Variants in NEBL observed in about 807,000 individuals in gnomAD.
NEBL encodes nebulette.
In NEBL, 122 loss-of-function variants were observed where a neutral mutation model predicts 140.2. That is an observed-to-expected ratio of 0.87 (90% CI 0.75 to 1.01). The LOEUF is 1.01. Ranked by LOEUF, NEBL falls within the 50% of genes least tolerant of loss-of-function variation. The pLI is 0.00. For missense variants in NEBL, 1,365 were observed against 1,231.3 expected (o/e 1.11, Z -1.62); for synonymous variants, 436 against 398.9 (o/e 1.09, Z -1.11).
At chr10:21,078,759 T>C (rs1340662787) in intron 2 of NEBL, among the ~76,000 whole-genome samples, 1 of 152,238 alleles carries the variant, frequency 6.6e-6, no homozygotes, top group Non-Finnish European at 1.5e-5. Context: ...AAAATATACT[T>C]GATCTTATTT....
intron 3 of NEBL, among the ~76,000 whole-genome samples, chr10:20,966,591 A>G (rs531129803): frequency 1.3e-5 from 2 of 152,334 alleles, no homozygotes; most frequent in South Asian, 4.1e-4. Flanking sequence ...GTTTGAAGTC[A>G]TCAGCAATTA....
rs958903875 is a variant in NEBL at position 21,189,505 on chromosome 10, C to G, written n.349-17028G>C. ...TTTGAGATGGAGTCTCACTCTGTCT[C>G]CCAGGCTGGAGTGCAGGGGCACGAT... On this transcript the variant is annotated intron_variant and non_coding_transcript_variant, in intron 3 of 8. Coordinates refer to the NEBL transcript ENST00000675702. Among the ~76,000 whole-genome samples the G allele has an allele frequency of 9.9e-5, 15 of 152,266 alleles. No individual in the cohort carries two copies. The South Asian group carries it at 2.7e-3, about 27-fold the overall frequency.
At chr10:20,843,977 T>C (rs1841644123) in intron 12 of NEBL, among the ~76,000 whole-genome samples, 2 of 152,246 alleles carry the variant, frequency 1.3e-5, no homozygotes, top group South Asian at 4.1e-4. Flanking sequence ...CCTGCCACTG[T>C]GTCCTAGCCT....
intron 2 of NEBL, among the ~76,000 whole-genome samples, chr10:21,042,714 T>A (rs1422220054): frequency 6.6e-6 from 1 of 152,206 alleles, no homozygotes; most frequent in Non-Finnish European, 1.5e-5. Flanking sequence ...GCCTTTTTGT[T>A]CTCTGAGAGA....
upstream of NEBL, chr10:21,175,073 T>G (rs550631529): frequency 5.3e-5 from 8 of 152,146 alleles, no homozygotes; most frequent in Non-Finnish European, 1.2e-4. Flanking sequence ...CAGGGTAGGA[T>G]GAAACCAAAG....
At chr10:21,071,256 G>A (rs1835806561) in intron 2 of NEBL, among the ~76,000 whole-genome samples, 1 of 149,866 alleles carries the variant, frequency 6.7e-6, no homozygotes, top group Non-Finnish European at 1.5e-5. Flanking sequence ...TAAAAAACGG[G>A]TATGGTGGAA....
At chr10:20,956,339 T>C (rs1835804094) in intron 4 of NEBL, among the ~76,000 whole-genome samples, 2 of 152,222 alleles carry the variant, frequency 1.3e-5, no homozygotes, top group African/African-American at 4.8e-5. Context: ...TTAGGTATTA[T>C]GAGAAAATAT....
intron 2 of NEBL, among the ~76,000 whole-genome samples, chr10:21,162,934 T>C (rs1351489909): frequency 6.6e-6 from 1 of 152,196 alleles, no homozygotes; most frequent in Non-Finnish European, 1.5e-5. Context: ...TGAGGAAAAT[T>C]ACAAATATAT....
At chr10:21,145,826 G>A (rs1839864970) in intron 2 of NEBL, among the ~76,000 whole-genome samples, 1 of 152,180 alleles carries the variant, frequency 6.6e-6, no homozygotes, top group African/African-American at 2.4e-5. Context: ...CAGCTGGAGA[G>A]TAACTCAGTA....
chr10:21,149,696 T>C (rs1219148862), intron 2 of NEBL, among the ~76,000 whole-genome samples: 1 of 152,228 alleles, frequency 6.6e-6, no homozygotes, highest in Non-Finnish European at 1.5e-5. Context: ...CTGGGAACCC[T>C]GATTAATAGC....
intron 2 of NEBL, chr10:21,126,263 C>G (rs1227928967): frequency 3.9e-6 from 3 of 767,386 alleles, no homozygotes; most frequent in Non-Finnish European, 6.3e-6. Flanking sequence ...TCAGGGACTT[C>G]TTTTGTAAGC....
intron 2 of NEBL, among the ~76,000 whole-genome samples, chr10:21,077,375 C>T (rs963634938): frequency 1.1e-4 from 17 of 152,192 alleles, no homozygotes; most frequent in Non-Finnish European, 1.3e-4. Context: ...AAGGCTGAAG[C>T]GGGTGGGTCA....
At chr10:21,140,450 T>C (rs1839579136) in intron 2 of NEBL, among the ~76,000 whole-genome samples, 1 of 152,224 alleles carries the variant, frequency 6.6e-6, no homozygotes, top group Non-Finnish European at 1.5e-5. Context: ...AGATTAGACA[T>C]ATTTATTTAC....
intron 4 of NEBL, among the ~76,000 whole-genome samples, chr10:20,946,888 G>GT (rs1428293861): frequency 1.3e-5 from 2 of 152,040 alleles, no homozygotes; most frequent in Admixed American, 6.6e-5. Flanking sequence ...AAACTGATGG[G>GT]TTTTTTTGAA....
intron 3 of NEBL, among the ~76,000 whole-genome samples, chr10:21,012,205 C>G (rs1043822992): frequency 1.3e-5 from 2 of 152,036 alleles, no homozygotes; most frequent in African/African-American, 4.8e-5. Flanking sequence ...TAGGTGCCCC[C>G]CTTCAAGTGG....
chr10:20,828,705 G>C, intron 16 of NEBL, 71 bp from the exon 17 acceptor site: 20 of 978,410 alleles, frequency 2.0e-5, no homozygotes, highest in Non-Finnish European at 2.9e-5. Flanking sequence ...AGGGAGGGAG[G>C]CAGGAAAGGA....
At position 20,798,110 on chromosome 10, in the gene NEBL, C is replaced by CAA. The variant is rs11453441; in HGVS notation, c.2761+10398_2761+10399dup. Reference sequence around the variant, plus strand: ...CAGAGCAAGACCCTGTTTCTAATTACAAAAAAAAAAAAAAAATGTAGCATG... The same window carrying CAA: ...CAGAGCAAGACCCTGTTTCTAATTACAAAAAAAAAAAAAAAAAATGTAGCATG... On this transcript the variant is annotated intron_variant, in intron 26 of 27. Transcript: ENST00000377122. Among the ~76,000 whole-genome samples the CAA allele has an allele frequency of 2.1e-3, 271 of 126,390 alleles. 2 individuals carry two copies. The highest frequency in any genetic ancestry group is 0.015 in the East Asian group (68 of 4,554). 82.9% of individuals were successfully genotyped at this position (126,390 alleles called of 152,430 possible).
At chr10:20,996,480 T>A (rs146489574) in intron 3 of NEBL, among the ~76,000 whole-genome samples, 1 of 152,216 alleles carries the variant, frequency 6.6e-6, no homozygotes, top group Non-Finnish European at 1.5e-5. Flanking sequence ...ACTGGATCGA[T>A]GCCTTATCAC....
intron 2 of NEBL, among the ~76,000 whole-genome samples, chr10:21,091,110 T>A (rs1040775496): frequency 6.6e-6 from 1 of 152,126 alleles, no homozygotes; most frequent in Non-Finnish European, 1.5e-5. Flanking sequence ...TCCCTACCAC[T>A]GTGAACTGGG....
Sources: gnomAD v4.1 joint callset for allele counts (sites outside exome capture counted in the v4.1 genomes callset) on GRCh38, gnomAD v4.1.1 for gene constraint, MANE v1.5 for transcripts, NCBI Gene and HGNC (gene_info 2026-07-23, HGNC 2026-07-21) for gene names.